PTPRM: variants seen among roughly 807,000 people sequenced by gnomAD.
The protein encoded by PTPRM is receptor-type tyrosine-protein phosphatase mu.
PTPRM carries 47 observed loss-of-function variants against 186.7 expected under a neutral mutation model. The observed-to-expected ratio is 0.25, with a 90% CI of 0.20 to 0.32. The LOEUF is 0.32. Among genes scored for constraint, PTPRM ranks in the 10% least tolerant of loss-of-function variants. PTPRM has a pLI of 1.00. For synonymous variants in PTPRM, 668 were observed against 674.9 expected (o/e 0.99, Z 0.16); for missense variants, 1,494 against 1,865.0 (o/e 0.80, Z 3.66).
At chr18:8,047,232 TTCAATGTATTCCATAG>T (rs1161075902) in intron 7 of PTPRM, among the ~76,000 whole-genome samples, 1 of 152,182 alleles carries the variant, frequency 6.6e-6, no homozygotes, top group Non-Finnish European at 1.5e-5. Context: ...ATTAAGATGA[TTCAATGTATTCCATAG>T]TTTTTAGGCC....
intron 1 of PTPRM, chr18:7,749,582 G>C (rs2041112852): frequency 6.6e-6 from 1 of 152,134 alleles, no homozygotes; most frequent in Admixed American, 6.5e-5. Flanking sequence ...GTAGGACTGG[G>C]GCCCTCTGGA....
intron 22 of PTPRM, among the ~76,000 whole-genome samples, chr18:8,324,878 A>G (rs1426071306): frequency 6.6e-6 from 1 of 152,238 alleles, no homozygotes; most frequent in African/African-American, 2.4e-5. Flanking sequence ...ACTGCCTCCC[A>G]TAGGTGACCT....
intron 7 of PTPRM, among the ~76,000 whole-genome samples, chr18:8,054,696 A>G (rs951205849): frequency 2.0e-5 from 3 of 152,072 alleles, no homozygotes; most frequent in Non-Finnish European, 4.4e-5. Context: ...AAAATTAGAC[A>G]GTATTGTTAT....
rs1433608161 is a variant in PTPRM at position 8,143,704 on chromosome 18, A to G, written c.2225A>G (p.Lys742Arg). The change falls in exon 14 of 33, where the codon AAA becomes AGA. Residue 742 changes from lysine to arginine, a missense_variant. Physicochemically the swap from Lys to Arg is conservative, Grantham distance 26. Transcript: ENST00000580170. ...GAGAAACAGACAGACCATACAGTTAAAATTGCTGGAGTCATCGCGGGCATC... is the reference window on the plus strand; with the variant it reads ...GAGAAACAGACAGACCATACAGTTAGAATTGCTGGAGTCATCGCGGGCATC... ...EPEKQTDHTV[K>R]IAGVIAGILL... 1 of 1,612,284 alleles carries G rather than the reference A, an allele frequency of 6.2e-7. No homozygotes were observed. Among genetic ancestry groups the G allele is most frequent in the South Asian group, 1.1e-5 (1 of 91,054 alleles).
chr18:8,245,336 C>A (rs931588679), intron 15 of PTPRM, among the ~76,000 whole-genome samples: 6 of 152,178 alleles, frequency 3.9e-5, no homozygotes, highest in African/African-American at 1.4e-4. Flanking sequence ...TTGTACTACA[C>A]ACACACATGG....
At chr18:7,679,113 G>A (rs942365185) in intron 1 of PTPRM, among the ~76,000 whole-genome samples, 2 of 152,098 alleles carry the variant, frequency 1.3e-5, no homozygotes, top group Admixed American at 6.6e-5. Flanking sequence ...TCCTTTGGCT[G>A]TACATTTTTG....
intron 19 of PTPRM, among the ~76,000 whole-genome samples, chr18:8,265,583 T>C (rs1011276486): frequency 9.2e-5 from 14 of 152,206 alleles, no homozygotes; most frequent in African/African-American, 3.4e-4. Flanking sequence ...TAACTGACAA[T>C]CTTATTAACC....
intron 2 of PTPRM, among the ~76,000 whole-genome samples, chr18:7,851,698 A>G (rs995075285): frequency 1.3e-5 from 2 of 152,182 alleles, no homozygotes; most frequent in African/African-American, 4.8e-5. Flanking sequence ...AGGAAACACT[A>G]AAAGGAGTTC....
chr18:7,679,400 T>C (rs555656697), intron 1 of PTPRM, among the ~76,000 whole-genome samples: 185 of 152,172 alleles, frequency 1.2e-3, no homozygotes, highest in Non-Finnish European at 1.8e-3. Context: ...TGCAGTGGCT[T>C]ACACCTGCAA....
intron 1 of PTPRM, among the ~76,000 whole-genome samples, chr18:7,647,891 T>A (rs2038602605): frequency 6.6e-6 from 1 of 152,264 alleles, no homozygotes; most frequent in South Asian, 2.1e-4. Flanking sequence ...CACATGCTGC[T>A]GGTCTTTGGA....
chr18:7,677,891 C>A (rs1207200193), intron 1 of PTPRM, among the ~76,000 whole-genome samples: 1 of 152,214 alleles, frequency 6.6e-6, no homozygotes, highest in African/African-American at 2.4e-5. Flanking sequence ...TATCACCTAT[C>A]CTATTAGATA....
chr18:8,143,819 A>G (rs1219264323), intron 14 of PTPRM, 40 bp downstream of exon 14: 4 of 1,605,614 alleles, frequency 2.5e-6, no homozygotes, highest in Admixed American at 1.7e-5. Flanking sequence ...GTTATATCCC[A>G]TTGTTTGCTG....
In PTPRM at chr18:7,645,501, A is replaced by AT. The variant is rs550736360; in HGVS notation, c.73+77611dup. ...AGACATTTTGAGAAGGCTTATAAAA[A>AT]TAAAAAAAGTCATTTCAGTTGTAGG... is the stretch of plus-strand genomic sequence containing the variant. On this transcript the variant is annotated intron_variant, in intron 1 of 32. Transcript: ENST00000580170. Among the ~76,000 whole-genome samples, 637 of 152,334 alleles carry AT rather than the reference A, an allele frequency of 4.2e-3. 7 individuals carry two copies. The highest frequency in any genetic ancestry group is 5.0e-3 in the Non-Finnish European group (339 of 68,032).
At chr18:8,381,820 G>A (rs1164206303) in intron 29 of PTPRM, among the ~76,000 whole-genome samples, 3 of 152,156 alleles carry the variant, frequency 2.0e-5, no homozygotes, top group Non-Finnish European at 2.9e-5. Flanking sequence ...TAGAATAAGG[G>A]ACTTCTTCCT....
At chr18:7,960,480 T>TATATATATATATACACACACACAC (rs1300573371) in intron 7 of PTPRM, among the ~76,000 whole-genome samples, 1 of 86,602 alleles carries the variant, frequency 1.2e-5, no homozygotes, top group African/African-American at 4.4e-5. Context: ...TATATATATA[T>TATATATATATATACACACACACAC]ACACACACAC....
chr18:8,264,476 A>G (rs2094674386), intron 19 of PTPRM, among the ~76,000 whole-genome samples: 1 of 152,156 alleles, frequency 6.6e-6, no homozygotes, highest in African/African-American at 2.4e-5. Context: ...GGCACTGTAC[A>G]AAGAACACAC....
At chr18:8,186,868 G>A (rs773755887) in intron 14 of PTPRM, among the ~76,000 whole-genome samples, 7 of 152,008 alleles carry the variant, frequency 4.6e-5, no homozygotes, top group African/African-American at 7.2e-5. Context: ...GAGGAGTGAC[G>A]TGCATGGTTC....
At chr18:7,884,924 C>CAAAAAAAAAAAAAAAAAAAAAAAAAAA (rs56724615) in intron 2 of PTPRM, among the ~76,000 whole-genome samples, 1 of 37,850 alleles carries the variant, frequency 2.6e-5, no homozygotes, top group African/African-American at 8.7e-5. Context: ...AGCTCCATCT[C>CAAAAAAAAAAAAAAAAAAAAAAAAAAA]AAAAAAAAAA....
intron 2 of PTPRM, among the ~76,000 whole-genome samples, chr18:7,776,956 T>C (rs1478812715): frequency 7.0e-6 from 1 of 143,206 alleles, no homozygotes. Flanking sequence ...AAATGCTTCT[T>C]AGTTTCCAGG....
Sources: allele counts gnomAD v4.1 joint callset (sites outside exome capture counted in the v4.1 genomes callset), GRCh38; gene constraint gnomAD v4.1.1; transcripts MANE v1.5; gene names NCBI Gene and HGNC (gene_info 2026-07-23, HGNC 2026-07-21).